The following DCDC2B variants were observed in gnomAD, a reference collection of about 807,000 sequenced individuals.
The protein encoded by DCDC2B is doublecortin domain-containing protein 2B.
DCDC2B carries 41 observed loss-of-function variants against 38.9 expected under a neutral mutation model. That is an observed-to-expected ratio of 1.05 (90% CI 0.82 to 1.37). The LOEUF is 1.37. Among genes scored for constraint, DCDC2B ranks in the 40% most tolerant of loss-of-function variants. The probability of loss-of-function intolerance (pLI) is 0.00; values close to 1 mark genes in which losing one functional copy is unlikely to be tolerated. For synonymous variants in DCDC2B, 181 were observed against 171.9 expected, an observed-to-expected ratio of 1.05 and a Z score of -0.41; for missense variants, 453 against 427.2, an observed-to-expected ratio of 1.06 and a Z score of -0.53.
chr1:32,213,543 C>G (rs1227549742), intron 6 of DCDC2B, among the ~76,000 whole-genome samples: 1 of 130,102 alleles, frequency 7.7e-6, no homozygotes, highest in African/African-American at 3.0e-5. Context: ...GAGTCTCGCT[C>G]TGTTGCCCAG....
intron 6 of DCDC2B, 100 bp downstream of exon 6, chr1:32,212,893 T>TTTC: frequency 7.2e-7 from 1 of 1,385,246 alleles, no homozygotes; most frequent in Non-Finnish European, 1.0e-6. Flanking sequence ...GCATCCTCTC[T>TTTC]TTTTTCTTTT....
At position 32,211,784 on chromosome 1, in the gene DCDC2B, G is replaced by C; in HGVS notation, c.342G>C (p.Leu114Phe). 7 of 1,610,660 alleles carry C rather than the reference G, an allele frequency of 4.3e-6. No individual in the cohort carries two copies. The highest frequency in any genetic ancestry group is 5.9e-6 in the Non-Finnish European group (7 of 1,178,514). ...RLQGPPVTRH[L>F]CDGAIGRQLP... ...AGGGTCCTCCCGTGACTCGCCACTT[G>C]TGTGATGGGGCCATTGGACGGCAGC... Residue 114 changes from leucine (L) to phenylalanine (F), a missense_variant, in exon 3 of 9, where the codon TTG becomes TTC. By Grantham distance (22) the Leu-to-Phe change is conservative (BLOSUM62 0). Transcript: ENST00000409358.
At chr1:32,212,375 G>C in intron 4 of DCDC2B, 115 bp from the exon 5 acceptor site, 1 of 1,531,004 alleles carries the variant, frequency 6.5e-7, no homozygotes. Flanking sequence ...GGTAGAGCCT[G>C]GGTGCCTAGA....
At chr1:32,212,884 C>A in intron 6 of DCDC2B, 91 bp downstream of exon 6, 1 of 1,413,360 alleles carries the variant, frequency 7.1e-7, no homozygotes, top group South Asian at 1.2e-5. Flanking sequence ...TATTTCACTG[C>A]ATCCTCTCTT....
intron 1 of DCDC2B, among the ~76,000 whole-genome samples, chr1:32,210,297 G>T (rs1643527520): frequency 6.9e-6 from 1 of 145,410 alleles, no homozygotes; most frequent in African/African-American, 2.6e-5. Flanking sequence ...CTGCACTCCA[G>T]CCTGGGCAAT....
In DCDC2B at chr1:32,211,819, G is replaced by C; in HGVS notation, c.377G>C (p.Gly126Ala). The C allele has an allele frequency of 6.2e-7, 1 of 1,610,176 alleles. No individual in the cohort carries two copies. The highest frequency in any genetic ancestry group is 8.5e-7 in the Non-Finnish European group (1 of 1,178,376). The part of the protein sequence containing the change: ...DGAIGRQLPA[G>A]APSYIHVFRN... ...GCCATTGGACGGCAGCTGCCTGCAG[G>C]TGCTCCCAGCTATATCCAGTGAGTG... Residue 126 changes from glycine to alanine, a missense_variant, in exon 3 of 9, where the codon GGT (glycine) becomes GCT (alanine). Physicochemically the swap from Gly to Ala is moderately conservative, Grantham distance 60 (BLOSUM62 0). Transcript: ENST00000409358.
At chr1:32,214,459 AT>A (rs1643715868) in intron 6 of DCDC2B, 1 of 250,176 alleles carries the variant, frequency 4.0e-6, no homozygotes, top group African/African-American at 2.2e-5. Flanking sequence ...GAGAATTGGT[AT>A]ATTTGGCACA....
At chr1:32,214,002 AAAC>A (rs1366773022) in intron 6 of DCDC2B, among the ~76,000 whole-genome samples, 19 of 151,902 alleles carry the variant, frequency 1.3e-4, no homozygotes, top group Non-Finnish European at 2.5e-4. Context: ...CCAGAGGTGG[AAAC>A]TGAAGCTGAA....
In DCDC2B at chr1:32,215,815, T is replaced by C. The variant is rs1485986589; in HGVS notation, c.968T>C (p.Ile323Thr). 1.9e-6 allele frequency: 3 copies of C among 1,552,484 alleles called. No individual in the cohort carries two copies. Among genetic ancestry groups the C allele is most frequent in the South Asian group, 1.2e-5 (1 of 84,100 alleles). The change falls in exon 9 of 9, where the codon ATA becomes ACA. Residue 323 changes from isoleucine (I) to threonine (T), a missense_variant. Ile to Thr is a moderately conservative substitution (Grantham distance 89, BLOSUM62 -1). Transcript: ENST00000409358. ...CACCTCCTGCAGAGGGCAGCACAGA[T>C]AGTGGAAGAGGCCTTGTCCCTGGAA... ...EEPLDQRAAQIVEEALSLENQ... is the reference protein window; with the variant it reads ...EEPLDQRAAQTVEEALSLENQ...
intron 6 of DCDC2B, among the ~76,000 whole-genome samples, chr1:32,213,424 C>T (rs1643668129): frequency 6.6e-6 from 1 of 151,216 alleles, no homozygotes; most frequent in African/African-American, 2.4e-5. Flanking sequence ...GCAACCTCCA[C>T]CTTCTGGGTT....
intron 1 of DCDC2B, among the ~76,000 whole-genome samples, chr1:32,210,053 C>T (rs1332482830): frequency 6.6e-6 from 1 of 152,076 alleles, no homozygotes; most frequent in Non-Finnish European, 1.5e-5. Context: ...ATTGGCCAGG[C>T]ACGATGGCTC....
rs181688664 is a variant in DCDC2B at position 32,213,732 on chromosome 1, G to A, written c.714+939G>A. On this transcript the variant is annotated intron_variant, in intron 6 of 8. Coordinates refer to ENST00000409358, the MANE Select transcript of DCDC2B (RefSeq NM_001099434.2). ...TCACCGTGTTAGCCAGGATGGTCTCGATCTCCTGACCTCGTGATCAGCCCA... is the reference window on the plus strand; with the variant it reads ...TCACCGTGTTAGCCAGGATGGTCTCAATCTCCTGACCTCGTGATCAGCCCA... Among the ~76,000 whole-genome samples, 1,158 of 151,356 alleles carry A rather than the reference G, an allele frequency of 7.7e-3. 14 individuals carry two copies. The highest frequency in any genetic ancestry group is 0.031 in the Middle Eastern group (9 of 286).
intron 2 of DCDC2B, among the ~76,000 whole-genome samples, chr1:32,211,545 G>T (rs1173628958): frequency 6.6e-6 from 1 of 152,236 alleles, no homozygotes; most frequent in Non-Finnish European, 1.5e-5. Context: ...AAAGGAAAGA[G>T]AAAGATGTGA....
Position 32,211,829 on chromosome 1 carries a change from C to G in DCDC2B, c.387C>G (p.Ser129Arg). The change falls in exon 3 of 9, where the codon AGC (serine) becomes AGG (arginine). Residue 129 changes from serine (S) to arginine (R), a missense_variant. Coordinates refer to ENST00000409358, the MANE Select transcript of DCDC2B (RefSeq NM_001099434.2). ...IGRQLPAGAP[S>R]YIHVFRNGDL... ...GGCAGCTGCCTGCAGGTGCTCCCAGCTATATCCAGTGAGTGCCAGTGTGAG... is the reference window on the plus strand; with the variant it reads ...GGCAGCTGCCTGCAGGTGCTCCCAGGTATATCCAGTGAGTGCCAGTGTGAG... 6.2e-7 allele frequency: 1 copy of G among 1,609,012 alleles called. No homozygotes were observed. Among genetic ancestry groups the G allele is most frequent in the Non-Finnish European group, 8.5e-7 (1 of 1,177,780 alleles).
chr1:32,211,560 C>T (rs1384624289), intron 2 of DCDC2B, among the ~76,000 whole-genome samples: 3 of 152,188 alleles, frequency 2.0e-5, no homozygotes, highest in Non-Finnish European at 4.4e-5. Flanking sequence ...ATGTGAAACA[C>T]AGATTGGGGG....
rs200429239 is a variant in DCDC2B at position 32,209,314 on chromosome 1, G to T, written c.221G>T (p.Arg74Ile). Reference sequence around the variant, plus strand: ...ACCAACCTGGCAGACTTGAAGAACAGAGGGCAGTATGTGGCCGCTGGATTT... The same window carrying T: ...ACCAACCTGGCAGACTTGAAGAACATAGGGCAGTATGTGGCCGCTGGATTT... ...PVTNLADLKN[R>I]GQYVAAGFER... Residue 74 changes from arginine to isoleucine, a missense_variant, in exon 1 of 9, where the codon AGA (arginine) becomes ATA (isoleucine). By Grantham distance (97) the Arg-to-Ile change is moderately conservative (BLOSUM62 -3). Transcript: ENST00000409358. The T allele has an allele frequency of 5.5e-5, 88 of 1,614,010 alleles. No individual in the cohort carries two copies. In the African/African-American group the frequency reaches 1.1e-3, roughly 20 times the overall value.
Position 32,215,561 on chromosome 1 carries a change from G to T in DCDC2B, c.954+18G>T. On this transcript the variant is annotated intron_variant, in intron 8 of 8. Transcript: ENST00000409358. Reference sequence around the variant, plus strand: ...TGGATCAGGTAAGCTGTTGGATCAGGAAACAGTATGTTGGGGTGGGAGGAG... The same window carrying T: ...TGGATCAGGTAAGCTGTTGGATCAGTAAACAGTATGTTGGGGTGGGAGGAG... 2.5e-6 allele frequency: 4 copies of T among 1,609,632 alleles called. No homozygotes were observed. Among genetic ancestry groups the T allele is most frequent in the Non-Finnish European group, 3.4e-6 (4 of 1,177,198 alleles).
chr1:32,209,392 C>T, intron 1 of DCDC2B, 33 bp downstream of exon 1: 6 of 1,608,624 alleles, frequency 3.7e-6, no homozygotes, highest in Non-Finnish European at 5.1e-6. Context: ...AACAGCCTAG[C>T]AAGGGAGGTA....
At chr1:32,210,826 T>C (rs1005275897) in intron 1 of DCDC2B, among the ~76,000 whole-genome samples, 1 of 152,092 alleles carries the variant, frequency 6.6e-6, no homozygotes, top group African/African-American at 2.4e-5. Flanking sequence ...GCAATCCTCC[T>C]GCCTCAGCCT....
Sources: gnomAD v4.1 joint callset for allele counts (sites outside exome capture counted in the v4.1 genomes callset) on GRCh38, gnomAD v4.1.1 for gene constraint, MANE v1.5 for transcripts, NCBI Gene and HGNC (gene_info 2026-07-23, HGNC 2026-07-21) for gene names.